The following NISCH variants were observed in gnomAD, a reference collection of about 807,000 sequenced individuals.
NISCH encodes I-1 receptor candidate protein.
In NISCH, 55 loss-of-function variants were observed where a neutral mutation model predicts 138.4. The ratio of observed to expected loss-of-function variants is 0.40; its 90% CI spans 0.32 to 0.50. NISCH has a LOEUF of 0.50. NISCH is among the 20% of genes least tolerant of loss of function. The probability of loss-of-function intolerance (pLI) is 0.71; values close to 1 mark genes in which losing one functional copy is unlikely to be tolerated. For missense variants in NISCH, 1,643 were observed against 2,005.5 expected (o/e 0.82, Z 3.45); for synonymous variants, 860 against 861.5 (o/e 1.00, Z 0.03).
chr3:52,492,208 G>A lies in NISCH; in HGVS notation c.4241G>A (p.Arg1414Gln), dbSNP rs747428469. Reference protein sequence around the residue: ...RYRLDDGRRVRDLDRVLMGYQ... With the variant: ...RYRLDDGRRVQDLDRVLMGYQ... ...CGGCTGGACGATGGCCGCCGCGTCC[G>A]GGACCTGGACCGAGTGCTCATGGGC... Residue 1414 changes from arginine to glutamine, a missense_variant, in exon 21 of 21, where the codon CGG becomes CAG. Coordinates refer to ENST00000345716, the MANE Select transcript of NISCH (RefSeq NM_007184.4). The A allele has an allele frequency of 3.6e-5, 58 of 1,612,982 alleles. No individual in the cohort carries two copies. The East Asian group carries it at 5.6e-4, about 15-fold the overall frequency.
At chr3:52,461,390 G>A (rs971588530) in intron 3 of NISCH, among the ~76,000 whole-genome samples, 21 of 152,204 alleles carry the variant, frequency 1.4e-4, no homozygotes, top group Admixed American at 4.6e-4. Flanking sequence ...AAAGTAGATA[G>A]CATTCACAGA....
intron 16 of NISCH, among the ~76,000 whole-genome samples, chr3:52,489,064 C>G (rs988808382): frequency 2.0e-5 from 3 of 152,204 alleles, no homozygotes; most frequent in Non-Finnish European, 4.4e-5. Flanking sequence ...TAGGCTTCAC[C>G]CACCTCAACA....
chr3:52,484,462 T>TTGGGGGCCCCC, intron 13 of NISCH, 51 bp from the exon 14 acceptor site: 6 of 788,670 alleles, frequency 7.6e-6, no homozygotes, highest in African/African-American at 3.6e-5. Flanking sequence ...ACAGCCGCTC[T>TTGGGGGCCCCC]CCCCGCCCCA....
intron 3 of NISCH, among the ~76,000 whole-genome samples, chr3:52,460,136 A>G (rs1472054700): frequency 8.1e-6 from 1 of 123,312 alleles, no homozygotes; most frequent in African/African-American, 3.1e-5. Context: ...AGTCGAGATC[A>G]TGTCACTGCA....
rs1706545706 is a variant in NISCH, at chr3:52,458,669, C to T, written c.185C>T (p.Ala62Val). 5 of 1,611,798 alleles carry T rather than the reference C, an allele frequency of 3.1e-6. No individual in the cohort carries two copies. In the South Asian group the frequency reaches 5.5e-5, roughly 18 times the overall value. Residue 62 changes from alanine (A) to valine (V), a missense_variant, in exon 3 of 21, where the codon GCA becomes GTA. Coordinates refer to ENST00000345716, the MANE Select transcript of NISCH (RefSeq NM_007184.4). ...GCTTATGTTTTTTTACAGCTCGTTG[C>T]AGAGAGAAAGATTGATAAAAATCTG... Reference protein sequence around the residue: ...DFHDLHEKLVAERKIDKNLLP... With the variant: ...DFHDLHEKLVVERKIDKNLLP...
chr3:52,466,505 T>C (rs9847332), intron 3 of NISCH, among the ~76,000 whole-genome samples: 144,500 of 150,074 alleles, frequency 0.96, 69,613 homozygotes, highest in African/African-American at 0.99. Context: ...GCGGAGGTTG[T>C]AGTGAGCCGA....
intron 13 of NISCH, among the ~76,000 whole-genome samples, chr3:52,482,755 T>G (rs1437936332): frequency 6.6e-6 from 1 of 152,100 alleles, no homozygotes; most frequent in Admixed American, 6.5e-5. Flanking sequence ...CATCTTAGAT[T>G]TGATGAAATG....
intron 20 of NISCH, 179 bp from the exon 21 acceptor site, chr3:52,491,693 C>A: frequency 9.4e-7 from 1 of 1,058,416 alleles, no homozygotes; most frequent in Non-Finnish European, 1.4e-6. Context: ...GTCCCTCAAC[C>A]ATCTGGCAGA....
In NISCH at chr3:52,487,999, G is replaced by A. The variant is rs367898298; in HGVS notation, c.2507G>A (p.Arg836His). ...CACACCAGCCTGCAGGAGTTCCTGCGCCAGCTGCTCACCTTCTACAAGGTG... is the reference window on the plus strand; with the variant it reads ...CACACCAGCCTGCAGGAGTTCCTGCACCAGCTGCTCACCTTCTACAAGGTG... Reference protein sequence around the residue: ...GSHTSLQEFLRQLLTFYKVAG... With the variant: ...GSHTSLQEFLHQLLTFYKVAG... Residue 836 changes from arginine to histidine, a missense_variant, in exon 16 of 21, where the codon CGC (arginine) becomes CAC (histidine). Arg to His is a conservative substitution (Grantham distance 29). Transcript: ENST00000345716. This position sits in a 1 kb window ranked among gnomAD's most constrained non-coding sequence, Gnocchi z 9.1. The A allele has an allele frequency of 1.9e-5, 30 of 1,612,218 alleles. No individual in the cohort carries two copies. Among genetic ancestry groups the A allele is most frequent in the South Asian group, 6.6e-5 (6 of 91,050 alleles).
In NISCH at chr3:52,487,181, C is replaced by G. The variant is rs373563346; in HGVS notation, c.1704-15C>G. The G allele has an allele frequency of 5.1e-5, 81 of 1,603,738 alleles. No homozygotes were observed. The highest frequency in any genetic ancestry group is 6.7e-5 in the Non-Finnish European group (79 of 1,173,350). The stretch of plus-strand genomic sequence containing the variant: ...CCCTCCCAGCATGCCACTGACCTGG[C>G]CTCTCCCTGCACAGCCCAGAACATG... On this transcript the variant is annotated splice_polypyrimidine_tract_variant and intron_variant, in intron 15 of 20. Transcript: ENST00000345716. This position sits in a 1 kb window ranked among gnomAD's most constrained non-coding sequence, Gnocchi z 9.1.
At position 52,490,926 on chromosome 3, in the gene NISCH, C is replaced by T. The variant is rs1464245452; in HGVS notation, c.3742+93C>T. The T allele has an allele frequency of 3.3e-6, 5 of 1,528,280 alleles. No homozygotes were observed. The East Asian group carries it at 9.0e-5, about 28-fold the overall frequency. 94.7% of individuals were successfully genotyped at this position (1,528,280 alleles called of 1,614,324 possible). On this transcript the variant is annotated intron_variant, in intron 19 of 20. Coordinates refer to ENST00000345716, the MANE Select transcript of NISCH (RefSeq NM_007184.4). The stretch of plus-strand genomic sequence containing the variant: ...CCGTACGTGGGTGGGTTATCATAGA[C>T]AGTTATCTCTGTGCTCAAGAGCCAC...
intron 18 of NISCH, among the ~76,000 whole-genome samples, 158 bp downstream of exon 18, chr3:52,490,389 T>C (rs115376828): frequency 0.028 from 4,325 of 152,212 alleles, 237 homozygotes; most frequent in African/African-American, 0.099. Flanking sequence ...GGAGCTGTCA[T>C]GAGGGAGGGG....
intron 12 of NISCH, 127 bp downstream of exon 12, chr3:52,479,989 A>G (rs893930181): frequency 5.2e-6 from 5 of 962,390 alleles, no homozygotes; most frequent in African/African-American, 3.3e-5. Flanking sequence ...CCCTGGCTGC[A>G]TGACCTCGGG....
At chr3:52,466,277 C>T (rs1002385029) in intron 3 of NISCH, among the ~76,000 whole-genome samples, 6 of 152,008 alleles carry the variant, frequency 3.9e-5, no homozygotes, top group African/African-American at 1.5e-4. Context: ...TAAAGTGAGA[C>T]GAGGAGGGCC....
chr3:52,476,156 G>C (rs978694911), intron 7 of NISCH: 2 of 358,868 alleles, frequency 5.6e-6, no homozygotes, highest in East Asian at 1.2e-4. Context: ...GAAAAGGCTA[G>C]AAAAGGCATC....
At chr3:52,458,540 T>A in intron 2 of NISCH, 122 bp from the exon 3 acceptor site, 1 of 729,126 alleles carries the variant, frequency 1.4e-6, no homozygotes, top group Non-Finnish European at 2.3e-6. Context: ...CTGATTTTGG[T>A]ACTACTGCAG....
chr3:52,472,076 G>A (rs2153231086), intron 5 of NISCH, 99 bp downstream of exon 5: 7 of 1,333,806 alleles, frequency 5.2e-6, no homozygotes, highest in Non-Finnish European at 6.2e-6. Context: ...GACCATGGGG[G>A]ACTGTTGGTG....
chr3:52,485,837 A>G lies in NISCH; in HGVS notation c.1703+10A>G. Reference sequence around the variant, plus strand: ...CTGTTGGTGGTGCAAGGTAAGGAAGAGGTTGGAAAGGGACCTGGGCCTGGC... The same window carrying G: ...CTGTTGGTGGTGCAAGGTAAGGAAGGGGTTGGAAAGGGACCTGGGCCTGGC... On this transcript the variant is annotated intron_variant, in intron 15 of 20. Transcript: ENST00000345716. 1 of 1,573,456 alleles carries G rather than the reference A, an allele frequency of 6.4e-7. No individual in the cohort carries two copies. Among genetic ancestry groups the G allele is most frequent in the South Asian group, 1.2e-5 (1 of 85,922 alleles).
Position 52,472,311 on chromosome 3 carries a change from C to T in NISCH, c.582C>T (p.Gly194=), listed in dbSNP as rs1706973558. 6.2e-7 allele frequency: 1 copy of T among 1,614,090 alleles called. No homozygotes were observed. The highest frequency in any genetic ancestry group is 2.2e-5 in the East Asian group (1 of 44,888). The change falls in exon 6 of 21, where the codon GGC becomes GGT. Residue 194 remains glycine (G), a synonymous_variant. Transcript: ENST00000345716. ...CTTATCTTTGGCTTCAGGTTTCTGG[C>T]ACAGAAGGACCTTTTGGGACCAGCA... is the stretch of plus-strand genomic sequence containing the variant. ...TCRLKYLKVS[G]TEGPFGTSNI...
Sources: gnomAD v4.1 joint callset for allele counts (sites outside exome capture counted in the v4.1 genomes callset) on GRCh38, gnomAD v4.1.1 for gene constraint, Gnocchi (gnomAD v3.1) non-coding constraint, MANE v1.5 for transcripts, NCBI Gene and HGNC (gene_info 2026-07-23, HGNC 2026-07-21) for gene names.